Variants in LETMD1 observed in about 807,000 individuals in gnomAD.
The protein encoded by LETMD1 is LETM1 domain-containing protein 1.
LETMD1 carries 30 observed loss-of-function variants against 43.9 expected under a neutral mutation model. The observed-to-expected ratio is 0.68, with a 90% CI of 0.51 to 0.93. LETMD1 has a LOEUF of 0.93. Ranked by LOEUF, LETMD1 falls within the 40% of genes least tolerant of loss-of-function variation. LETMD1 has a pLI of 0.00. For missense variants in LETMD1, 413 were observed against 447.7 expected (o/e 0.92, Z 0.70); for synonymous variants, 176 against 163.1 (o/e 1.08, Z -0.60).
At chr12:51,060,891 G>A (rs1410783678), downstream of LETMD1, among the ~76,000 whole-genome samples, 2 of 123,634 alleles carry the variant, frequency 1.6e-5, no homozygotes, top group Non-Finnish European at 3.2e-5. Context: ...GACAGAATGA[G>A]ATTCTGTCTC....
intron 2 of LETMD1, 35 bp from the exon 3 acceptor site, chr12:51,052,057 A>G (rs771916730): frequency 3.2e-6 from 5 of 1,584,794 alleles, no homozygotes; most frequent in Non-Finnish European, 4.3e-6. Flanking sequence ...AAACTGGGAT[A>G]ACATCACACT....
rs1948705717 is a variant in LETMD1, at chr12:51,059,955, GTTTTGTT to G, written c.*531_*537del. On this transcript the variant is annotated 3_prime_UTR_variant, in exon 9 of 9. Coordinates refer to ENST00000262055, the MANE Select transcript of LETMD1 (RefSeq NM_015416.5). ...TTCTGATATGACCAAAAATCAAGTT[GTTTTGTT>G]TTTTGTCACCTTCACTGGCATGGGC... The G allele has an allele frequency of 6.5e-6, 1 of 153,270 alleles. No homozygotes were observed. The highest frequency in any genetic ancestry group is 1.5e-5 in the Non-Finnish European group (1 of 68,800). 9.5% of individuals were successfully genotyped at this position (153,270 alleles called of 1,614,324 possible). A position where few individuals can be genotyped will look rare whatever the true frequency, so the allele number is the denominator to read the frequency against.
At position 51,058,017 on chromosome 12, in the gene LETMD1, T is replaced by A. The variant is rs1269641581; in HGVS notation, c.916-15T>A. 1 of 1,525,794 alleles carries A rather than the reference T, an allele frequency of 6.6e-7. No individual in the cohort carries two copies. Among genetic ancestry groups the A allele is most frequent in the Non-Finnish European group, 9.1e-7 (1 of 1,099,172 alleles). 94.5% of individuals were successfully genotyped at this position (1,525,794 alleles called of 1,614,324 possible). A position where few individuals can be genotyped will look rare whatever the true frequency, so the allele number is the denominator to read the frequency against. Reference sequence around the variant, plus strand: ...CTATGATTATTAAGGACCATTTCTGTTCTGAGTGGTATAGGCTTGTTATCT... The same window carrying A: ...CTATGATTATTAAGGACCATTTCTGATCTGAGTGGTATAGGCTTGTTATCT... On this transcript the variant is annotated splice_polypyrimidine_tract_variant and intron_variant, in intron 7 of 8. Coordinates refer to ENST00000262055, the MANE Select transcript of LETMD1 (RefSeq NM_015416.5).
chr12:51,048,894 AC>A, intron 1 of LETMD1, 139 bp from the exon 2 acceptor site: 2 of 799,664 alleles, frequency 2.5e-6, no homozygotes, highest in Non-Finnish European at 3.9e-6. Context: ...TCTCTTCTTG[AC>A]CCCAAGACCT....
At chr12:51,053,650 AAAAG>A (rs1287025810) in intron 3 of LETMD1, 124 bp from the exon 4 acceptor site, 3 of 672,530 alleles carry the variant, frequency 4.5e-6, no homozygotes, top group South Asian at 2.0e-5. Context: ...CTCAAAAAGA[AAAAG>A]AAAGAAATTT....
downstream of LETMD1, chr12:51,063,434 T>C (rs1444999856): frequency 1.0e-5 from 2 of 196,658 alleles, no homozygotes; most frequent in Non-Finnish European, 2.1e-5. Flanking sequence ...ACAGAAAGAA[T>C]AGCTGCTTGA....
the LETMD1 span, among the ~76,000 whole-genome samples, chr12:51,065,942 T>A: frequency 6.6e-6 from 1 of 152,210 alleles, no homozygotes; most frequent in Non-Finnish European, 1.5e-5. Context: ...ACACCCTCAA[T>A]AATTAAGTTC....
chr12:51,057,918 C>A, intron 7 of LETMD1, 114 bp from the exon 8 acceptor site: 1 of 830,288 alleles, frequency 1.2e-6, no homozygotes, highest in Non-Finnish European at 2.1e-6. Flanking sequence ...AGCCACCGTG[C>A]CCGGTGAGAT....
chr12:51,064,732 G>C (rs1051238154), downstream of LETMD1: 2 of 1,392,074 alleles, frequency 1.4e-6, no homozygotes, highest in Non-Finnish European at 9.5e-7. Flanking sequence ...GGAGACAGGA[G>C]ACATGAGCTG....
chr12:51,051,159 A>C (rs1945982696), intron 2 of LETMD1, among the ~76,000 whole-genome samples: 1 of 151,068 alleles, frequency 6.6e-6, no homozygotes, highest in Admixed American at 6.6e-5. Context: ...TAATCCTAGC[A>C]CTTTGGGAGG....
At chr12:51,049,415 A>T in intron 2 of LETMD1, 1 of 461,362 alleles carries the variant, frequency 2.2e-6, no homozygotes, top group Non-Finnish European at 3.9e-6. Flanking sequence ...AGGGAGGGAG[A>T]ATATAGGTAT....
chr12:51,050,305 C>T (rs936592797), intron 2 of LETMD1, among the ~76,000 whole-genome samples: 2 of 151,704 alleles, frequency 1.3e-5, no homozygotes, highest in African/African-American at 4.8e-5. Context: ...TCACTGCAAC[C>T]TCTGCTTCCC....
At chr12:51,058,641 C>T (rs1185414219) in intron 8 of LETMD1, 4 of 159,182 alleles carry the variant, frequency 2.5e-5, no homozygotes, top group South Asian at 3.6e-4. Flanking sequence ...AGGCTGATCT[C>T]GAACTCCCGA....
chr12:51,057,880 C>G (rs1335700607), intron 7 of LETMD1, 152 bp from the exon 8 acceptor site: 2 of 696,650 alleles, frequency 2.9e-6, no homozygotes, highest in African/African-American at 3.5e-5. Context: ...CTACCTCGGC[C>G]TCCCAAAGTG....
chr12:51,056,243 G>C lies in LETMD1; in HGVS notation c.760G>C (p.Val254Leu). Residue 254 changes from valine to leucine, a missense_variant and splice_region_variant, in exon 6 of 9, where the codon GTG (valine) becomes CTG (leucine). By Grantham distance (32) the Val-to-Leu change is conservative. Transcript: ENST00000262055. ...LGMNQLQALH[V>L]KALSRAMLLT... ...CATGAACCAACTCCAGGCTTTGCAC[G>C]TGGTGAGCACTTTGAGGGCTTCTCT... The C allele has an allele frequency of 6.2e-7, 1 of 1,614,176 alleles. No individual in the cohort carries two copies. Among genetic ancestry groups the C allele is most frequent in the Non-Finnish European group, 8.5e-7 (1 of 1,179,974 alleles).
rs1592726967 is a variant in LETMD1 at position 51,060,363 on chromosome 12, A to G, written c.*932A>G. 1 of 152,394 alleles carries G rather than the reference A, an allele frequency of 6.6e-6. No homozygotes were observed. Among genetic ancestry groups the G allele is most frequent in the Non-Finnish European group, 1.5e-5 (1 of 68,056 alleles). The allele number at this position is 152,394 out of a possible 1,614,324, so 9.4% of individuals were successfully genotyped here. A position where few individuals can be genotyped will look rare whatever the true frequency, so the allele number is the denominator to read the frequency against. ...AGAGTTCTGTAATAACTTATTGTAA[A>G]TGCATGAAGCACTGTTTTTAAACCC... is the stretch of plus-strand genomic sequence containing the variant. On this transcript the variant is annotated 3_prime_UTR_variant, in exon 9 of 9. Coordinates refer to ENST00000262055, the MANE Select transcript of LETMD1 (RefSeq NM_015416.5).
chr12:51,063,156 CAT>C (rs1017629999), downstream of LETMD1: 4 of 152,194 alleles, frequency 2.6e-5, no homozygotes, highest in Non-Finnish European at 4.4e-5. Flanking sequence ...GAACACCAAA[CAT>C]GTCAAATATT....
rs1360719624 is a variant in LETMD1 at position 51,059,371 on chromosome 12, GTC to G, written c.1029_1030del (p.Leu344AlafsTer31). 1.9e-6 allele frequency: 3 copies of G among 1,614,074 alleles called. No individual in the cohort carries two copies. The highest frequency in any genetic ancestry group is 1.3e-5 in the African/African-American group (1 of 74,948). On this transcript the variant is annotated frameshift_variant, in exon 9 of 9. Transcript: ENST00000262055. LOFTEE classifies it high-confidence loss of function. Reference protein sequence around the residue: ...ISCSLKEAELSLLLHNVVLLS... With the variant: ...ISCSLKEAELXLLLHNVVLLS... The stretch of plus-strand genomic sequence containing the variant: ...ACACTGTGTTTTCAGAAGCTGAGCT[GTC>G]TCTCTTGCTGCACAACGTGGTCCTG...
At chr12:51,066,720 T>C in the LETMD1 span, among the ~76,000 whole-genome samples, 1 of 152,142 alleles carries the variant, frequency 6.6e-6, no homozygotes, top group African/African-American at 2.4e-5. Flanking sequence ...CTAGGCCAGG[T>C]CTGATCCTGA....
Sources: allele counts gnomAD v4.1 joint callset (sites outside exome capture counted in the v4.1 genomes callset), GRCh38; gene constraint gnomAD v4.1.1; transcripts MANE v1.5; gene names NCBI Gene and HGNC (gene_info 2026-07-23, HGNC 2026-07-21).